The following GRIK1 variants were observed in gnomAD, a reference collection of about 807,000 sequenced individuals.
GRIK1 encodes glutamate ionotropic receptor kainate type subunit 1.
Under a neutral mutation model 105.7 loss-of-function variants are expected in GRIK1, and 69 were observed. The ratio of observed to expected loss-of-function variants is 0.65; its 90% CI spans 0.54 to 0.80. The LOEUF (loss-of-function observed/expected upper bound fraction) is 0.80, where lower values mean the gene tolerates loss of function less well. Among genes scored for constraint, GRIK1 ranks in the 30% least tolerant of loss-of-function variants. GRIK1 has a pLI of 0.00. For synonymous variants in GRIK1, 438 were observed against 431.3 expected, an observed-to-expected ratio of 1.02 and a Z score of -0.19; for missense variants, 1,109 against 1,167.3, an observed-to-expected ratio of 0.95 and a Z score of 0.73.
intron 1 of GRIK1, among the ~76,000 whole-genome samples, chr21:29,697,175 G>A (rs531391578): frequency 6.6e-6 from 1 of 152,298 alleles, no homozygotes; most frequent in East Asian, 1.9e-4. Flanking sequence ...AGCTAATAGT[G>A]TTGTCTTGCT....
intron 1 of GRIK1, among the ~76,000 whole-genome samples, chr21:29,709,793 T>G (rs2064001668): frequency 6.6e-6 from 1 of 151,952 alleles, no homozygotes; most frequent in African/African-American, 2.4e-5. Context: ...TTTATGTGTG[T>G]GTCTATTTAC....
At chr21:29,933,616 T>TAG (rs147298415) in intron 1 of GRIK1, among the ~76,000 whole-genome samples, 90 of 149,954 alleles carry the variant, frequency 6.0e-4, no homozygotes, top group East Asian at 9.7e-4. Context: ...TTCATTAACA[T>TAG]AGAGAGAGAG....
intron 1 of GRIK1, among the ~76,000 whole-genome samples, chr21:29,925,147 C>G (rs2071319668): frequency 6.6e-6 from 1 of 152,136 alleles, no homozygotes; most frequent in Admixed American, 6.5e-5. Flanking sequence ...TGAAACACAC[C>G]ACTGATTTGA....
At chr21:29,553,707 T>C (rs2090179498) in intron 16 of GRIK1, 1 of 1,548,458 alleles carries the variant, frequency 6.5e-7, no homozygotes, top group Non-Finnish European at 8.7e-7. Context: ...CAAAAAGCCT[T>C]GCATGCAAAA....
intron 4 of GRIK1, 100 bp from the exon 5 acceptor site, chr21:29,654,963 A>C: frequency 1.2e-6 from 1 of 809,506 alleles, no homozygotes; most frequent in Non-Finnish European, 2.2e-6. Context: ...ATAGAACAGG[A>C]AGGGACTTTG....
intron 7 of GRIK1, among the ~76,000 whole-genome samples, chr21:29,635,767 T>C (rs934748511): frequency 5.9e-5 from 9 of 152,152 alleles, no homozygotes; most frequent in Non-Finnish European, 1.2e-4. Flanking sequence ...TGTCCTGGGT[T>C]ATAGTCAATG....
In GRIK1 at chr21:29,670,520, C is replaced by G. The variant is rs147329743; in HGVS notation, c.726+2463G>C. Among the ~76,000 whole-genome samples the G allele has an allele frequency of 3.0e-3, 464 of 152,338 alleles. 1 individual carries two copies. The highest frequency in any genetic ancestry group is 0.01 in the African/African-American group (434 of 41,582). Reference sequence around the variant, plus strand: ...TGAAATAGAAGAGAAAATCTAGCAGCCCTTCCCTGCCGCCACCATACACTG... The same window carrying G: ...TGAAATAGAAGAGAAAATCTAGCAGGCCTTCCCTGCCGCCACCATACACTG... On this transcript the variant is annotated intron_variant, in intron 4 of 17. Transcript: ENST00000327783.
chr21:29,580,538 T>C (rs978868876), intron 13 of GRIK1, among the ~76,000 whole-genome samples: 18 of 152,186 alleles, frequency 1.2e-4, no homozygotes, highest in African/African-American at 3.6e-4. Flanking sequence ...TCAAGTGTTA[T>C]AGCAATTCCC....
At chr21:29,847,111 A>G (rs2068147954) in intron 1 of GRIK1, among the ~76,000 whole-genome samples, 1 of 152,152 alleles carries the variant, frequency 6.6e-6, no homozygotes, top group Non-Finnish European at 1.5e-5. Flanking sequence ...CCTTTAATGA[A>G]CCATTTTCCT....
At chr21:29,725,085 C>T (rs1423653747) in intron 1 of GRIK1, among the ~76,000 whole-genome samples, 2 of 151,738 alleles carry the variant, frequency 1.3e-5, no homozygotes, top group Non-Finnish European at 2.9e-5. Context: ...TCTGAGAGTC[C>T]ACTCAGTCAA....
At chr21:29,920,125 C>CTAAACCTGCACTAGGTTTGTGTTCAT (rs1450460217) in intron 1 of GRIK1, among the ~76,000 whole-genome samples, 2 of 151,614 alleles carry the variant, frequency 1.3e-5, no homozygotes, top group African/African-American at 4.9e-5. Flanking sequence ...TCTTTGCTCA[C>CTAAACCTGCACTAGGTTTGTGTTCAT]AGTCTCTCAG....
intron 14 of GRIK1, among the ~76,000 whole-genome samples, chr21:29,573,917 G>T (rs2090821330): frequency 6.6e-6 from 1 of 151,574 alleles, no homozygotes; most frequent in South Asian, 2.1e-4. Context: ...TCTGGGTTGA[G>T]CATCTCTATT....
intron 3 of GRIK1, among the ~76,000 whole-genome samples, chr21:29,688,273 T>C (rs1206150936): frequency 6.6e-6 from 1 of 152,186 alleles, no homozygotes; most frequent in African/African-American, 2.4e-5. Context: ...CATAAGTGCA[T>C]ATTTCCAACC....
intron 7 of GRIK1, among the ~76,000 whole-genome samples, chr21:29,621,916 C>A (rs191043426): frequency 6.6e-6 from 1 of 151,878 alleles, no homozygotes; most frequent in Non-Finnish European, 1.5e-5. Flanking sequence ...TAAATAAAAT[C>A]ATATGTGAGG....
At chr21:29,848,779 A>ATATATATATATATATATATTTTT in intron 1 of GRIK1, among the ~76,000 whole-genome samples, 43 of 77,850 alleles carry the variant, frequency 5.5e-4, no homozygotes, top group African/African-American at 2.3e-3. Context: ...ATATATATAT[A>ATATATATATATATATATATTTTT]TTTTTTTTTT....
chr21:29,873,353 T>C (rs1420415808), intron 1 of GRIK1, among the ~76,000 whole-genome samples: 1 of 152,228 alleles, frequency 6.6e-6, no homozygotes, highest in Non-Finnish European at 1.5e-5. Context: ...TGGGCATTTC[T>C]GTGTTTAAGA....
intron 1 of GRIK1, among the ~76,000 whole-genome samples, chr21:29,804,512 T>G (rs925718193): frequency 1.3e-5 from 2 of 152,124 alleles, no homozygotes; most frequent in African/African-American, 4.8e-5. Flanking sequence ...TTGAATACAA[T>G]GAATATAGAA....
chr21:29,793,144 C>T (rs1289107637), intron 1 of GRIK1, among the ~76,000 whole-genome samples: 1 of 152,162 alleles, frequency 6.6e-6, no homozygotes, highest in Non-Finnish European at 1.5e-5. Context: ...AAATTCTTCT[C>T]TAATATGCAC....
At chr21:29,920,160 A>G (rs1172482944) in intron 1 of GRIK1, among the ~76,000 whole-genome samples, 1 of 152,092 alleles carries the variant, frequency 6.6e-6, no homozygotes, top group Non-Finnish European at 1.5e-5. Flanking sequence ...ATTCTACTTC[A>G]TTTCTCTATT....
Sources: gnomAD v4.1 joint callset for allele counts (sites outside exome capture counted in the v4.1 genomes callset) on GRCh38, gnomAD v4.1.1 for gene constraint, MANE v1.5 for transcripts, NCBI Gene and HGNC (gene_info 2026-07-23, HGNC 2026-07-21) for gene names.